Variants in COL25A1 observed in about 807,000 individuals in gnomAD.
The protein encoded by COL25A1 is collagen alpha-1(XXV) chain.
In COL25A1, 103 loss-of-function variants were observed where a neutral mutation model predicts 128.4. That is an observed-to-expected ratio of 0.80 (90% CI 0.68 to 0.94). The LOEUF (loss-of-function observed/expected upper bound fraction) is 0.94, where lower values mean the gene tolerates loss of function less well. COL25A1 is among the 40% of genes least tolerant of loss of function. COL25A1 has a pLI of 0.00. For synonymous variants in COL25A1, 279 were observed against 277.2 expected (o/e 1.01, Z -0.06); for missense variants, 745 against 840.0 (o/e 0.89, Z 1.40).
chr4:108,941,146 A>G (rs963994650), intron 9 of COL25A1, among the ~76,000 whole-genome samples: 1 of 152,230 alleles, frequency 6.6e-6, no homozygotes, highest in Admixed American at 6.5e-5. Context: ...TTTTTAATTA[A>G]GAAAAAATTA....
chr4:109,188,310 GACA>G (rs1450191874), intron 3 of COL25A1, among the ~76,000 whole-genome samples: 6 of 152,146 alleles, frequency 3.9e-5, no homozygotes, highest in Non-Finnish European at 8.8e-5. Flanking sequence ...GAAACAACTG[GACA>G]ACAAGTTTGG....
chr4:109,129,022 G>A (rs1017631381), intron 3 of COL25A1, among the ~76,000 whole-genome samples: 24 of 152,144 alleles, frequency 1.6e-4, no homozygotes, highest in African/African-American at 5.6e-4. Flanking sequence ...AGGAGAGCCT[G>A]GATGTGAGCA....
chr4:109,069,676 C>T (rs548170384), intron 3 of COL25A1, among the ~76,000 whole-genome samples: 10 of 152,192 alleles, frequency 6.6e-5, no homozygotes, highest in African/African-American at 2.4e-4. Context: ...AGAATTGGGA[C>T]GTGCAGTGCA....
intron 3 of COL25A1, among the ~76,000 whole-genome samples, chr4:109,296,831 C>A (rs752261894): frequency 9.2e-5 from 14 of 152,142 alleles, no homozygotes; most frequent in Admixed American, 2.0e-4. Flanking sequence ...GTAATCTACA[C>A]ATCTTTTGGT....
chr4:109,006,227 G>A (rs1406995874), intron 6 of COL25A1, among the ~76,000 whole-genome samples: 2 of 151,386 alleles, frequency 1.3e-5, no homozygotes, highest in African/African-American at 2.4e-5. Context: ...TTTTGTGGGG[G>A]GGTGGCGGGT....
intron 3 of COL25A1, among the ~76,000 whole-genome samples, chr4:109,191,174 T>C (rs942421727): frequency 4.6e-5 from 7 of 152,204 alleles, no homozygotes; most frequent in East Asian, 1.9e-4. Flanking sequence ...CTTGGTTTTG[T>C]TTACACTGGT....
chr4:109,016,697 A>T (rs1476823537), intron 5 of COL25A1, among the ~76,000 whole-genome samples: 1 of 152,150 alleles, frequency 6.6e-6, no homozygotes, highest in East Asian at 1.9e-4. Context: ...CGTCAGGATG[A>T]CCTGCCTGCA....
At chr4:109,020,131 G>A (rs2125899055) in intron 5 of COL25A1, among the ~76,000 whole-genome samples, 2 of 152,220 alleles carry the variant, frequency 1.3e-5, no homozygotes, top group African/African-American at 4.8e-5. Context: ...TGGATTATGT[G>A]TATTAATTTT....
intron 3 of COL25A1, among the ~76,000 whole-genome samples, chr4:109,109,118 G>A (rs1048545577): frequency 6.6e-6 from 1 of 151,092 alleles, no homozygotes; most frequent in African/African-American, 2.4e-5. Context: ...TTTTGACAGA[G>A]ACTTGCTCTA....
intron 31 of COL25A1, chr4:108,837,964 T>G (rs1734001182): frequency 1.4e-6 from 1 of 701,134 alleles, no homozygotes; most frequent in Non-Finnish European, 2.5e-6. Context: ...TGGGCTGAGC[T>G]CTGCTCTAAT....
intron 3 of COL25A1, among the ~76,000 whole-genome samples, chr4:109,289,713 GC>G (rs922645467): frequency 1.3e-5 from 2 of 152,048 alleles, no homozygotes; most frequent in African/African-American, 4.8e-5. Flanking sequence ...AGATAGGGGA[GC>G]CCCCTGAGTA....
rs149412499 is a variant in COL25A1, at chr4:108,881,946, C to A, written c.1020+2232G>T. On this transcript the variant is annotated intron_variant, in intron 19 of 37. Coordinates refer to ENST00000399132, the MANE Select transcript of COL25A1 (RefSeq NM_198721.4). Reference sequence around the variant, plus strand: ...TTATGTAGAAGAGTATGTCTACATACTCTTGATGAAAAGAGTTTTTGTCAA... The same window carrying A: ...TTATGTAGAAGAGTATGTCTACATAATCTTGATGAAAAGAGTTTTTGTCAA... 9.4e-3 allele frequency among the ~76,000 whole-genome samples: 1,435 copies of A among 152,262 alleles called. 27 individuals carry two copies. The highest frequency in any genetic ancestry group is 0.032 in the African/African-American group (1,324 of 41,540).
intron 3 of COL25A1, among the ~76,000 whole-genome samples, chr4:109,170,604 G>A (rs554595847): frequency 1.3e-5 from 2 of 152,208 alleles, no homozygotes; most frequent in Admixed American, 6.5e-5. Context: ...GCCCCCAAAC[G>A]CGTGGATGGA....
chr4:108,845,222 T>G lies in COL25A1; in HGVS notation c.1545A>C (p.Gly515=), dbSNP rs1450531867. The change falls in exon 29 of 38, where the codon GGA becomes GGC. Residue 515 remains glycine (G), a synonymous_variant. Transcript: ENST00000399132. ...PGANGMKGEK[G]DSGMPGPQGP... ...CCTGTGGACCCGGCATTCCAGAATC[T>G]CCTTTTTCTCCTTTCATTCCATTGG... 6.2e-7 allele frequency: 1 copy of G among 1,613,912 alleles called. No homozygotes were observed. Among genetic ancestry groups the G allele is most frequent in the Non-Finnish European group, 8.5e-7 (1 of 1,179,790 alleles).
intron 5 of COL25A1, among the ~76,000 whole-genome samples, chr4:109,046,578 A>C (rs1229056302): frequency 1.3e-5 from 2 of 152,216 alleles, no homozygotes; most frequent in Admixed American, 6.5e-5. Context: ...GTATGAAGCC[A>C]AAAAGTAAAG....
At chr4:108,904,293 G>A (rs903977870) in intron 13 of COL25A1, among the ~76,000 whole-genome samples, 10 of 151,892 alleles carry the variant, frequency 6.6e-5, no homozygotes, top group Non-Finnish European at 1.3e-4. Flanking sequence ...TTTTGAGTGG[G>A]GAAAATATAT....
At chr4:109,189,486 T>G (rs1775406824) in intron 3 of COL25A1, among the ~76,000 whole-genome samples, 1 of 139,338 alleles carries the variant, frequency 7.2e-6, no homozygotes, top group Admixed American at 8.0e-5. Context: ...AGGCAGAGCA[T>G]GTAGTGAGCC....
At chr4:109,085,270 A>G (rs940736643) in intron 3 of COL25A1, among the ~76,000 whole-genome samples, 2 of 152,198 alleles carry the variant, frequency 1.3e-5, no homozygotes, top group Non-Finnish European at 2.9e-5. Flanking sequence ...TTCTATGTGA[A>G]CAGAACCTTC....
chr4:109,204,171 G>GA (rs1471907426), intron 3 of COL25A1, among the ~76,000 whole-genome samples: 2 of 152,028 alleles, frequency 1.3e-5, no homozygotes. Context: ...AGGTGTGGTA[G>GA]AAAAACACTC....
Sources: gnomAD v4.1 joint callset for allele counts (sites outside exome capture counted in the v4.1 genomes callset) on GRCh38, gnomAD v4.1.1 for gene constraint, MANE v1.5 for transcripts, NCBI Gene and HGNC (gene_info 2026-07-23, HGNC 2026-07-21) for gene names.